Variants in PCNX4 observed in about 807,000 individuals in gnomAD.
The protein encoded by PCNX4 is pecanex-like protein 4.
A neutral mutation model predicts 107.2 loss-of-function variants in PCNX4; 103 were observed. The observed-to-expected ratio is 0.96, with a 90% CI of 0.82 to 1.13. The LOEUF is 1.13. PCNX4 is among the 50% of genes most tolerant of loss of function. The pLI is 0.00. For synonymous variants in PCNX4, 541 were observed against 481.7 expected, an observed-to-expected ratio of 1.12 and a Z score of -1.61; for missense variants, 1,528 against 1,379.4, an observed-to-expected ratio of 1.11 and a Z score of -1.71.
chr14:60,107,519 A>G, intron 1 of PCNX4, 67 bp from the exon 2 acceptor site: 1 of 831,126 alleles, frequency 1.2e-6, no homozygotes, highest in Admixed American at 2.9e-5. Context: ...TAGTAATGTG[A>G]GGTTTTTCCT....
chr14:60,143,572 G>T lies in PCNX4; in HGVS notation c.*9351G>T, dbSNP rs1896331858. The T allele has an allele frequency of 1.3e-5, 2 of 152,184 alleles. No individual in the cohort carries two copies. Among genetic ancestry groups the T allele is most frequent in the African/African-American group, 2.4e-5 (1 of 41,434 alleles). The allele number at this position is 152,184 out of a possible 1,614,324, so 9.4% of individuals were successfully genotyped here. A position where few individuals can be genotyped will look rare whatever the true frequency, so the allele number is the denominator to read the frequency against. On this transcript the variant is annotated 3_prime_UTR_variant, in exon 11 of 11. Transcript: ENST00000406854. ...TATATTTGTGTATGTGAACAGTATT[G>T]TGTTAGCGTTGCTTCTTTATTTCTT...
At chr14:60,102,306 T>C (rs1242706602) in intron 1 of PCNX4, among the ~76,000 whole-genome samples, 1 of 135,058 alleles carries the variant, frequency 7.4e-6, no homozygotes, top group Non-Finnish European at 1.6e-5. Context: ...TCAATAAAAA[T>C]AATATGATAG....
intron 1 of PCNX4, among the ~76,000 whole-genome samples, chr14:60,103,044 A>G (rs894426799): frequency 1.3e-5 from 2 of 152,242 alleles, no homozygotes; most frequent in Non-Finnish European, 2.9e-5. Context: ...CTTAAAAAGA[A>G]AATAGAAACA....
At chr14:60,129,929 CAAG>C (rs1194113393) in intron 10 of PCNX4, among the ~76,000 whole-genome samples, 1 of 151,540 alleles carries the variant, frequency 6.6e-6, no homozygotes, top group Non-Finnish European at 1.5e-5. Flanking sequence ...GGATAAAAGT[CAAG>C]AAAAAGGGAT....
chr14:60,121,336 A>T, intron 8 of PCNX4, 37 bp downstream of exon 8: 1 of 1,590,182 alleles, frequency 6.3e-7, no homozygotes, highest in East Asian at 2.2e-5. Flanking sequence ...GTATTTTTAT[A>T]GTTCATGTGT....
intron 2 of PCNX4, among the ~76,000 whole-genome samples, chr14:60,113,438 G>A (rs756683669): frequency 3.9e-5 from 6 of 151,952 alleles, no homozygotes; most frequent in Non-Finnish European, 7.4e-5. Context: ...ACGCAATCTC[G>A]GTTCACTGGA....
chr14:60,119,564 C>A (rs1468119609), intron 7 of PCNX4, among the ~76,000 whole-genome samples: 1 of 152,094 alleles, frequency 6.6e-6, no homozygotes, highest in Non-Finnish European at 1.5e-5. Context: ...TATCTTTGTA[C>A]TACAGATGTT....
In PCNX4 at chr14:60,121,180, T is replaced by TTTTTTTTTTTTTTG; in HGVS notation, c.1943-15_1943-14insTTTTTTTTTTTTGT. 6.5e-7 allele frequency: 1 copy of TTTTTTTTTTTTTTG among 1,544,392 alleles called. No individual in the cohort carries two copies. The highest frequency in any genetic ancestry group is 2.3e-5 in the East Asian group (1 of 43,574). ...GATTTTCTTTTTTTTTTTTTTTTTT[T>TTTTTTTTTTTTTTG]TCTAATTTGTTGTAGGTCTCCTCCT... On this transcript the variant is annotated splice_polypyrimidine_tract_variant and intron_variant, in intron 7 of 10. Coordinates refer to ENST00000406854, the MANE Select transcript of PCNX4 (RefSeq NM_001330177.2).
In PCNX4 at chr14:60,137,697, T is replaced by C. The variant is rs1230353051; in HGVS notation, c.*3476T>C. ...ACTATGTTTAGTGTGTTTAAAGATC[T>C]AAAACACAAGATTGAGAATTTCAGC... On this transcript the variant is annotated 3_prime_UTR_variant, in exon 11 of 11. Coordinates refer to ENST00000406854, the MANE Select transcript of PCNX4 (RefSeq NM_001330177.2). 1 of 152,166 alleles carries C rather than the reference T, an allele frequency of 6.6e-6. No individual in the cohort carries two copies. The highest frequency in any genetic ancestry group is 2.4e-5 in the African/African-American group (1 of 41,440). The allele number at this position is 152,166 out of a possible 1,614,324, so 9.4% of individuals were successfully genotyped here. A position where few individuals can be genotyped will look rare whatever the true frequency, so the allele number is the denominator to read the frequency against.
intron 1 of PCNX4, among the ~76,000 whole-genome samples, chr14:60,105,515 T>G (rs1300215684): frequency 6.9e-6 from 1 of 145,738 alleles, no homozygotes; most frequent in African/African-American, 2.5e-5. Context: ...TACAGCCATC[T>G]ATATATATAG....
At chr14:60,114,492 A>T (rs1244742803) in intron 2 of PCNX4, among the ~76,000 whole-genome samples, 1 of 152,142 alleles carries the variant, frequency 6.6e-6, no homozygotes, top group Admixed American at 6.5e-5. Flanking sequence ...ACACAATTGT[A>T]TAGGGGTAGT....
In PCNX4 at chr14:60,145,798, C is replaced by G. The variant is rs1366119625; in HGVS notation, c.*11577C>G. The G allele has an allele frequency of 1.3e-5, 2 of 152,038 alleles. No individual in the cohort carries two copies. The highest frequency in any genetic ancestry group is 2.9e-5 in the Non-Finnish European group (2 of 67,990). 9.4% of individuals were successfully genotyped at this position (152,038 alleles called of 1,614,324 possible). A position where few individuals can be genotyped will look rare whatever the true frequency, so the allele number is the denominator to read the frequency against. ...CTTTTCAGAAGATATGCATTTACCA[C>G]TTTCAAAACTTTGCACTAAGAAAGA... On this transcript the variant is annotated 3_prime_UTR_variant, in exon 11 of 11. Coordinates refer to ENST00000406854, the MANE Select transcript of PCNX4 (RefSeq NM_001330177.2). This position sits in a 1 kb window ranked among gnomAD's most constrained non-coding sequence, Gnocchi z 4.0.
Position 60,114,691 on chromosome 14 carries a change from T to G in PCNX4, c.690-9T>G. Reference sequence around the variant, plus strand: ...TCGTGTGATTTAAATGTTCTTTTTTTTTATATAGGTTTGTGGTAAATATGC... The same window carrying G: ...TCGTGTGATTTAAATGTTCTTTTTTGTTATATAGGTTTGTGGTAAATATGC... On this transcript the variant is annotated splice_polypyrimidine_tract_variant and intron_variant, in intron 2 of 10. Transcript: ENST00000406854. 1 of 1,596,592 alleles carries G rather than the reference T, an allele frequency of 6.3e-7. No homozygotes were observed.
chr14:60,146,880 G>A lies in PCNX4; in HGVS notation c.*12659G>A, dbSNP rs1353629608. 1.3e-5 allele frequency: 2 copies of A among 152,356 alleles called. No homozygotes were observed. Among genetic ancestry groups the A allele is most frequent in the East Asian group, 3.9e-4 (2 of 5,192 alleles). 9.4% of individuals were successfully genotyped at this position (152,356 alleles called of 1,614,324 possible). A position where few individuals can be genotyped will look rare whatever the true frequency, so the allele number is the denominator to read the frequency against. ...CTAAAAAGTCATACTCAAAAGCAGA[G>A]TAGAATGATGGTTGCCAGGAGCCAG... is the stretch of plus-strand genomic sequence containing the variant. On this transcript the variant is annotated 3_prime_UTR_variant, in exon 11 of 11. Coordinates refer to ENST00000406854, the MANE Select transcript of PCNX4 (RefSeq NM_001330177.2). This position sits in a 1 kb window ranked among gnomAD's most constrained non-coding sequence, Gnocchi z 4.9.
At position 60,107,576 on chromosome 14, in the gene PCNX4, TA is replaced by T; in HGVS notation, c.-53-9del. The stretch of plus-strand genomic sequence containing the variant: ...TCAAACAGTGACTTTTTTTAATTTT[TA>T]TTTTTTAGAAACTGCTGTGTTACAG... On this transcript the variant is annotated splice_polypyrimidine_tract_variant and intron_variant, in intron 1 of 10. Transcript: ENST00000406854. 1 of 1,408,344 alleles carries T rather than the reference TA, an allele frequency of 7.1e-7. No homozygotes were observed. Among genetic ancestry groups the T allele is most frequent in the Non-Finnish European group, 9.6e-7 (1 of 1,040,210 alleles). 87.2% of individuals were successfully genotyped at this position (1,408,344 alleles called of 1,614,324 possible). A position where few individuals can be genotyped will look rare whatever the true frequency, so the allele number is the denominator to read the frequency against.
chr14:60,099,553 T>G (rs1368904074), intron 1 of PCNX4, among the ~76,000 whole-genome samples: 1 of 152,216 alleles, frequency 6.6e-6, no homozygotes, highest in East Asian at 1.9e-4. Context: ...TTTACTGGAT[T>G]GTAACCTTTG....
chr14:60,125,253 T>G lies in PCNX4; in HGVS notation c.3080+2T>G. Reference sequence around the variant, plus strand: ...TCAACTAGCACTGAAAGCATTCAGGTAATCCATTTTGATCATATGTAAGTT... The same window carrying G: ...TCAACTAGCACTGAAAGCATTCAGGGAATCCATTTTGATCATATGTAAGTT... On this transcript the variant is annotated splice_donor_variant, in intron 9 of 10. Transcript: ENST00000406854. LOFTEE classifies it high-confidence loss of function. The G allele has an allele frequency of 6.5e-7, 1 of 1,541,248 alleles. No individual in the cohort carries two copies. The highest frequency in any genetic ancestry group is 2.2e-5 in the Admixed American group (1 of 45,594).
At position 60,114,721 on chromosome 14, in the gene PCNX4, T is replaced by G. The variant is rs753889965; in HGVS notation, c.711T>G (p.Ala237=). The G allele has an allele frequency of 6.2e-7, 1 of 1,613,524 alleles. No homozygotes were observed. Among genetic ancestry groups the G allele is most frequent in the South Asian group, 1.1e-5 (1 of 91,048 alleles). Residue 237 remains alanine (A), a synonymous_variant, in exon 3 of 11, where the codon GCT becomes GCG. Coordinates refer to ENST00000406854, the MANE Select transcript of PCNX4 (RefSeq NM_001330177.2). ...LAHRFVVNMP[A]LEHMNQILHI... is the part of the protein sequence containing the mutation. Reference sequence around the variant, plus strand: ...ATAGGTTTGTGGTAAATATGCCAGCTCTAGAACACATGAATCAGATTTTAC... The same window carrying G: ...ATAGGTTTGTGGTAAATATGCCAGCGCTAGAACACATGAATCAGATTTTAC...
In PCNX4 at chr14:60,144,828, C is replaced by A; in HGVS notation, c.*10607C>A. On this transcript the variant is annotated 3_prime_UTR_variant, in exon 11 of 11. Coordinates refer to ENST00000406854, the MANE Select transcript of PCNX4 (RefSeq NM_001330177.2). Reference sequence around the variant, plus strand: ...TTTATTATTTATTTTTTATTTCATTCCATGTTGGAAGCAAAGTCATATCTA... The same window carrying A: ...TTTATTATTTATTTTTTATTTCATTACATGTTGGAAGCAAAGTCATATCTA... 1.4e-6 allele frequency: 1 copy of A among 729,626 alleles called. No individual in the cohort carries two copies. Among genetic ancestry groups the A allele is most frequent in the Non-Finnish European group, 2.4e-6 (1 of 421,694 alleles). 45.2% of individuals were successfully genotyped at this position (729,626 alleles called of 1,614,324 possible). A position where few individuals can be genotyped will look rare whatever the true frequency, so the allele number is the denominator to read the frequency against.
Sources: allele counts gnomAD v4.1 joint callset (sites outside exome capture counted in the v4.1 genomes callset), GRCh38; gene constraint gnomAD v4.1.1; non-coding constraint Gnocchi (gnomAD v3.1); transcripts MANE v1.5; gene names NCBI Gene and HGNC (gene_info 2026-07-23, HGNC 2026-07-21).